MICU2: variants seen among roughly 807,000 people sequenced by gnomAD.
MICU2 encodes the protein calcium uptake protein 2, mitochondrial.
In MICU2, 64 loss-of-function variants were observed where a neutral mutation model predicts 60.4. The ratio of observed to expected loss-of-function variants is 1.06; its 90% CI spans 0.87 to 1.31. MICU2 has a LOEUF of 1.31. Among genes scored for constraint, MICU2 ranks in the 50% most tolerant of loss-of-function variants. The pLI, the probability that MICU2 is intolerant of heterozygous loss-of-function variation, is 0.00. For synonymous variants in MICU2, 201 were observed against 175.0 expected (o/e 1.15, Z -1.17); for missense variants, 569 against 531.0 (o/e 1.07, Z -0.70).
At chr13:21,571,357 G>A (rs1888103920) in intron 1 of MICU2, among the ~76,000 whole-genome samples, 1 of 152,132 alleles carries the variant, frequency 6.6e-6, no homozygotes, top group South Asian at 2.1e-4. Flanking sequence ...GAGCAATGTA[G>A]TGAGACCCTG....
At chr13:21,522,467 T>C in intron 5 of MICU2, 136 bp downstream of exon 5, 1 of 637,044 alleles carries the variant, frequency 1.6e-6, no homozygotes, top group Non-Finnish European at 2.6e-6. Context: ...TCCAACATTA[T>C]CATTTTGCAG....
At chr13:21,602,319 G>A (rs373840451) in intron 1 of MICU2, among the ~76,000 whole-genome samples, 1 of 151,992 alleles carries the variant, frequency 6.6e-6, no homozygotes, top group African/African-American at 2.4e-5. Flanking sequence ...TCAGGAGATC[G>A]AGACCATCCT....
At chr13:21,519,136 A>G (rs776570365) in intron 6 of MICU2, among the ~76,000 whole-genome samples, 22 of 152,076 alleles carry the variant, frequency 1.4e-4, no homozygotes, top group Non-Finnish European at 2.5e-4. Context: ...GGCTCACTAC[A>G]ACCTCCGCTT....
chr13:21,495,063 T>G, intron 11 of MICU2, 98 bp downstream of exon 11: 1 of 792,288 alleles, frequency 1.3e-6, no homozygotes, highest in South Asian at 3.6e-5. Flanking sequence ...TTATAAGTGA[T>G]GAAAACTCCA....
intron 11 of MICU2, among the ~76,000 whole-genome samples, chr13:21,494,603 C>T (rs1263756678): frequency 6.6e-6 from 1 of 152,132 alleles, no homozygotes; most frequent in East Asian, 1.9e-4. Context: ...AGTGGCTTTG[C>T]AAGATTAAGC....
At chr13:21,495,994 G>T in intron 10 of MICU2, 58 bp downstream of exon 10, 2 of 1,221,772 alleles carry the variant, frequency 1.6e-6, no homozygotes, top group Non-Finnish European at 2.3e-6. Context: ...TTTAGTTGAA[G>T]AATATAGTAA....
chr13:21,555,979 C>T (rs933420557), intron 2 of MICU2, among the ~76,000 whole-genome samples: 3 of 152,158 alleles, frequency 2.0e-5, no homozygotes, highest in Non-Finnish European at 2.9e-5. Context: ...TTTCATTCTT[C>T]CTGCACTGCC....
intron 2 of MICU2, among the ~76,000 whole-genome samples, chr13:21,550,313 G>C (rs998810717): frequency 3.3e-5 from 5 of 152,176 alleles, no homozygotes; most frequent in African/African-American, 1.2e-4. Flanking sequence ...AAGACGGGAG[G>C]ATCACTTGAA....
chr13:21,509,582 T>C (rs1241882544), intron 8 of MICU2, among the ~76,000 whole-genome samples: 1 of 152,162 alleles, frequency 6.6e-6, no homozygotes, highest in Non-Finnish European at 1.5e-5. Context: ...AGACTGCAAA[T>C]GCAAGAGTAC....
At chr13:21,547,577 T>C (rs1380190023) in intron 2 of MICU2, among the ~76,000 whole-genome samples, 1 of 152,192 alleles carries the variant, frequency 6.6e-6, no homozygotes, top group Admixed American at 6.5e-5. Flanking sequence ...ATAGGGTAAA[T>C]CAAATAAAAA....
chr13:21,582,870 T>C, intron 1 of MICU2: 1 of 167,174 alleles, frequency 6.0e-6, no homozygotes, highest in South Asian at 1.4e-4. Flanking sequence ...AAGTGTGCGC[T>C]CACCATTGTT....
chr13:21,602,537 AAAAC>A (rs1888847987), intron 1 of MICU2, among the ~76,000 whole-genome samples: 1 of 152,030 alleles, frequency 6.6e-6, no homozygotes, highest in African/African-American at 2.4e-5. Flanking sequence ...AACAAAAACA[AAAAC>A]AAAAAACAAA....
rs1028018982 is a variant in MICU2, at chr13:21,529,513, A to C, written c.467-6863T>G. ...GCTAAAACCAAGGAGGCTGAAGAAG[A>C]GTAGTAAGTGAAGGACAAAATTCTA... On this transcript the variant is annotated intron_variant, in intron 4 of 11. Transcript: ENST00000382374. Among the ~76,000 whole-genome samples, 8 of 152,342 alleles carry C rather than the reference A, an allele frequency of 5.3e-5. No homozygotes were observed. The East Asian group carries it at 1.5e-3, about 29-fold the overall frequency.
intron 9 of MICU2, among the ~76,000 whole-genome samples, chr13:21,502,546 ATTCTCTTGGG>A (rs1375200900): frequency 6.6e-6 from 1 of 152,104 alleles, no homozygotes; most frequent in Non-Finnish European, 1.5e-5. Context: ...TTTCTACTGG[ATTCTCTTGGG>A]TTCTCTAGGC....
chr13:21,575,989 ATGG>A (rs1888219422), intron 1 of MICU2, among the ~76,000 whole-genome samples: 1 of 152,194 alleles, frequency 6.6e-6, no homozygotes, highest in Non-Finnish European at 1.5e-5. Flanking sequence ...CAGAGATAAA[ATGG>A]TGGGTGAAGA....
At chr13:21,568,049 G>A (rs1888024995) in intron 1 of MICU2, among the ~76,000 whole-genome samples, 1 of 152,148 alleles carries the variant, frequency 6.6e-6, no homozygotes, top group South Asian at 2.1e-4. Flanking sequence ...TTGCTTTCCT[G>A]AGACACTGCT....
chr13:21,507,606 A>AT (rs111726011), intron 8 of MICU2, among the ~76,000 whole-genome samples: 7,140 of 141,954 alleles, frequency 0.05, 534 homozygotes, highest in African/African-American at 0.17. Context: ...AGAAACTTAG[A>AT]TTTTTTTTTT....
intron 2 of MICU2, among the ~76,000 whole-genome samples, chr13:21,553,596 C>T (rs1393791604): frequency 1.3e-5 from 2 of 152,118 alleles, no homozygotes; most frequent in African/African-American, 2.4e-5. Context: ...ATTGTAAAGA[C>T]CATCAAGGCT....
intron 2 of MICU2, among the ~76,000 whole-genome samples, chr13:21,548,656 C>T (rs1458921152): frequency 6.6e-6 from 1 of 152,188 alleles, no homozygotes; most frequent in Non-Finnish European, 1.5e-5. Flanking sequence ...AGAGGACTGT[C>T]TCCAGGTCCT....
Sources: allele counts gnomAD v4.1 joint callset (sites outside exome capture counted in the v4.1 genomes callset), GRCh38; gene constraint gnomAD v4.1.1; transcripts MANE v1.5; gene names NCBI Gene and HGNC (gene_info 2026-07-23, HGNC 2026-07-21).